Variants in SLC22A3 observed in about 807,000 individuals in gnomAD.
The protein encoded by SLC22A3 is EMT organic cation transporter 3.
SLC22A3 carries 51 observed loss-of-function variants against 59.1 expected under a neutral mutation model. The observed-to-expected ratio is 0.86, with a 90% CI of 0.69 to 1.09. SLC22A3 has a LOEUF of 1.09. Ranked by LOEUF, SLC22A3 falls within the 50% of genes least tolerant of loss-of-function variation. SLC22A3 has a pLI of 0.00. For synonymous variants in SLC22A3, 325 were observed against 292.0 expected (o/e 1.11, Z -1.15); for missense variants, 711 against 726.3 (o/e 0.98, Z 0.24).
intron 7 of SLC22A3, 49 bp downstream of exon 7, chr6:160,437,260 T>C: frequency 6.4e-7 from 1 of 1,572,732 alleles, no homozygotes; most frequent in South Asian, 1.1e-5. Context: ...TGAAAACACC[T>C]AAATCCACAA....
chr6:160,363,671 A>C (rs1019609420), intron 1 of SLC22A3, among the ~76,000 whole-genome samples: 75 of 152,096 alleles, frequency 4.9e-4, no homozygotes, highest in African/African-American at 1.6e-3. Flanking sequence ...CACTCCGCAG[A>C]ATGCTGCTTC....
At chr6:160,384,397 T>C (rs1331581994) in intron 1 of SLC22A3, among the ~76,000 whole-genome samples, 5 of 152,180 alleles carry the variant, frequency 3.3e-5, no homozygotes, top group Admixed American at 3.3e-4. Context: ...TAATTTTTAC[T>C]CAGAATGTGG....
chr6:160,408,788 G>C lies in SLC22A3; in HGVS notation c.724G>C (p.Val242Leu), dbSNP rs1222187488. 1 of 1,613,704 alleles carries C rather than the reference G, an allele frequency of 6.2e-7. No homozygotes were observed. The highest frequency in any genetic ancestry group is 8.5e-7 in the Non-Finnish European group (1 of 1,179,768). ...AGTAGGTTCGAAACAAAGGAGGATT[G>C]TGGGAATCGTGATTCAAATGTTCTT... ...EIVGSKQRRI[V>L]GIVIQMFFTL... is the part of the protein sequence containing the mutation. The change falls in exon 4 of 11, where the codon GTG (valine) becomes CTG (leucine). Residue 242 changes from valine to leucine, a missense_variant. Physicochemically the swap from Val to Leu is conservative, Grantham distance 32 (BLOSUM62 1). Coordinates refer to ENST00000275300, the MANE Select transcript of SLC22A3 (RefSeq NM_021977.4).
chr6:160,371,547 G>A (rs905784878), intron 1 of SLC22A3, among the ~76,000 whole-genome samples: 2 of 152,196 alleles, frequency 1.3e-5, no homozygotes, highest in Non-Finnish European at 2.9e-5. Flanking sequence ...ATTCCATGGT[G>A]TATATGTGCC....
At chr6:160,388,660 C>T (rs1293010928) in intron 1 of SLC22A3, among the ~76,000 whole-genome samples, 1 of 152,052 alleles carries the variant, frequency 6.6e-6, no homozygotes, top group East Asian at 1.9e-4. Flanking sequence ...GAGTCCAGTC[C>T]CCATTAAGTT....
intron 1 of SLC22A3, among the ~76,000 whole-genome samples, chr6:160,354,101 C>A (rs1784750405): frequency 6.6e-6 from 1 of 152,110 alleles, no homozygotes; most frequent in Non-Finnish European, 1.5e-5. Context: ...GAGCTTTGGG[C>A]AAAGGTAGGG....
At chr6:160,387,107 G>A (rs1786051741) in intron 1 of SLC22A3, among the ~76,000 whole-genome samples, 1 of 152,226 alleles carries the variant, frequency 6.6e-6, no homozygotes, top group South Asian at 2.1e-4. Flanking sequence ...CAGCTGACAG[G>A]TCAGGACACA....
At chr6:160,383,507 C>G (rs1265167486) in intron 1 of SLC22A3, among the ~76,000 whole-genome samples, 1 of 152,176 alleles carries the variant, frequency 6.6e-6, no homozygotes, top group Middle Eastern at 3.2e-3. Flanking sequence ...TCCCCACCCT[C>G]CTAATGTGTG....
chr6:160,437,895 A>G (rs189741160), intron 7 of SLC22A3, among the ~76,000 whole-genome samples: 9 of 152,192 alleles, frequency 5.9e-5, no homozygotes, highest in Non-Finnish European at 1.3e-4. Flanking sequence ...ACCTTTGTGC[A>G]TGCAGGAACT....
chr6:160,450,026 T>C (rs1788890300), intron 10 of SLC22A3, among the ~76,000 whole-genome samples: 2 of 152,208 alleles, frequency 1.3e-5, no homozygotes, highest in African/African-American at 2.4e-5. Flanking sequence ...AAAGGGTCTA[T>C]GTTCAGCGGT....
chr6:160,410,970 G>A, intron 5 of SLC22A3, 124 bp downstream of exon 5: 1 of 510,584 alleles, frequency 2.0e-6, no homozygotes. Context: ...ATATATATAT[G>A]TATGTATGTA....
chr6:160,436,479 C>G (rs962413533), intron 5 of SLC22A3, among the ~76,000 whole-genome samples: 1 of 152,176 alleles, frequency 6.6e-6, no homozygotes, highest in Non-Finnish European at 1.5e-5. Flanking sequence ...TTCACCCACC[C>G]TGACTCTCAT....
chr6:160,427,779 G>A (rs1316934024), intron 5 of SLC22A3, among the ~76,000 whole-genome samples: 1 of 152,188 alleles, frequency 6.6e-6, no homozygotes, highest in Non-Finnish European at 1.5e-5. Flanking sequence ...TGGCTGACCA[G>A]TGTCTCATAG....
At chr6:160,367,329 C>T (rs1325082642) in intron 1 of SLC22A3, among the ~76,000 whole-genome samples, 1 of 152,124 alleles carries the variant, frequency 6.6e-6, no homozygotes, top group Admixed American at 6.5e-5. Context: ...AGAAGAGCAG[C>T]ATGGAGGTAA....
At chr6:160,383,605 A>C (rs2457552) in intron 1 of SLC22A3, among the ~76,000 whole-genome samples, 127,893 of 152,106 alleles carry the variant, frequency 0.84, 54,348 homozygotes, top group East Asian at 1. Context: ...ATAAAACACA[A>C]TCAATACAAA....
At chr6:160,436,974 G>T (rs1248393029) in intron 6 of SLC22A3, 23 bp from the exon 7 acceptor site, 2 of 1,613,610 alleles carry the variant, frequency 1.2e-6, no homozygotes, top group Non-Finnish European at 1.7e-6. Flanking sequence ...CTTGTTCTCT[G>T]GTGTCTTTCA....
intron 1 of SLC22A3, among the ~76,000 whole-genome samples, chr6:160,377,104 A>G (rs2114786606): frequency 1.3e-5 from 2 of 152,262 alleles, no homozygotes; most frequent in South Asian, 4.1e-4. Context: ...TAGAAACAAG[A>G]TCTTTCCATG....
intron 5 of SLC22A3, among the ~76,000 whole-genome samples, chr6:160,427,937 C>T (rs1052579779): frequency 6.6e-6 from 1 of 152,124 alleles, no homozygotes; most frequent in Admixed American, 6.5e-5. Context: ...CTGGAGATTT[C>T]GATGACATGT....
chr6:160,358,822 C>T (rs1381453217), intron 1 of SLC22A3, among the ~76,000 whole-genome samples: 2 of 152,246 alleles, frequency 1.3e-5, no homozygotes, highest in Admixed American at 6.5e-5. Context: ...GAACCCCACA[C>T]TTCTTTCCAA....
Sources: gnomAD v4.1 joint callset for allele counts (sites outside exome capture counted in the v4.1 genomes callset) on GRCh38, gnomAD v4.1.1 for gene constraint, MANE v1.5 for transcripts, NCBI Gene and HGNC (gene_info 2026-07-23, HGNC 2026-07-21) for gene names.